The following NDUFA10 variants were observed in gnomAD, a reference collection of about 807,000 sequenced individuals.
NDUFA10 encodes the protein NADH dehydrogenase [ubiquinone] 1 alpha subcomplex subunit 10, mitochondrial.
In NDUFA10, 40 loss-of-function variants were observed where a neutral mutation model predicts 47.8. The observed-to-expected ratio is 0.84, with a 90% confidence interval of 0.65 to 1.09. The LOEUF (loss-of-function observed/expected upper bound fraction) is 1.09. Among genes scored for constraint, NDUFA10 ranks in the 50% least tolerant of loss-of-function variants. The probability of loss-of-function intolerance (pLI) is 0.00; values close to 1 mark genes in which losing one functional copy is unlikely to be tolerated. For synonymous variants in NDUFA10, 183 were observed against 172.2 expected, an observed-to-expected ratio of 1.06 and a Z score of -0.49; for missense variants, 413 against 451.1, an observed-to-expected ratio of 0.92 and a Z score of 0.76.
intron 9 of NDUFA10, among the ~76,000 whole-genome samples, chr2:239,966,733 C>T (rs963030743): frequency 7.2e-5 from 11 of 152,100 alleles, no homozygotes; most frequent in Admixed American, 1.3e-4. Context: ...CCCCACCAAC[C>T]GGAAGGCTAC....
At chr2:239,966,297 C>A (rs1207108055) in intron 9 of NDUFA10, among the ~76,000 whole-genome samples, 1 of 152,202 alleles carries the variant, frequency 6.6e-6, no homozygotes, top group Non-Finnish European at 1.5e-5. Flanking sequence ...ATGACAACTC[C>A]CCCTGGCCCC....
intron 4 of NDUFA10, among the ~76,000 whole-genome samples, chr2:239,951,881 G>A (rs150372955): frequency 6.6e-6 from 1 of 152,258 alleles, no homozygotes; most frequent in Non-Finnish European, 1.5e-5. Flanking sequence ...AGGACAGTGG[G>A]ACCCAGGAAC....
At chr2:239,967,033 T>C (rs956740025) in intron 9 of NDUFA10, among the ~76,000 whole-genome samples, 1 of 152,080 alleles carries the variant, frequency 6.6e-6, no homozygotes, top group South Asian at 2.1e-4. Flanking sequence ...GCTGTGTCTG[T>C]TCCCAGTTTT....
chr2:239,923,806 A>C (rs942178886), intron 4 of NDUFA10, among the ~76,000 whole-genome samples: 1 of 152,144 alleles, frequency 6.6e-6, no homozygotes, highest in African/African-American at 2.4e-5. Flanking sequence ...AATCAAGAAA[A>C]TAAAAACTTG....
At chr2:239,915,694 CACAT>C (rs1165152710) in intron 4 of NDUFA10, among the ~76,000 whole-genome samples, 12 of 151,276 alleles carry the variant, frequency 7.9e-5, no homozygotes, top group East Asian at 3.9e-4. Context: ...ACAGAACACA[CACAT>C]ACATACACAG....
At chr2:239,925,756 G>T (rs1482534941) in intron 4 of NDUFA10, among the ~76,000 whole-genome samples, 1 of 152,198 alleles carries the variant, frequency 6.6e-6, no homozygotes, top group Non-Finnish European at 1.5e-5. Flanking sequence ...CAAGGTGGGA[G>T]ATCACCTGGC....
chr2:239,931,871 T>TGTG, intron 4 of NDUFA10, among the ~76,000 whole-genome samples: 1 of 134,518 alleles, frequency 7.4e-6, no homozygotes. Context: ...AGTCTCGCTC[T>TGTG]GTGGCCCAGG....
chr2:240,022,149 T>C, intron 2 of NDUFA10, 23 bp downstream of exon 2: 1 of 1,593,824 alleles, frequency 6.3e-7, no homozygotes, highest in African/African-American at 1.3e-5. Context: ...AAAGGTATCA[T>C]TCTGTGTAAC....
chr2:239,985,545 T>C (rs1027765434), intron 9 of NDUFA10, among the ~76,000 whole-genome samples: 5 of 149,246 alleles, frequency 3.4e-5, no homozygotes, highest in African/African-American at 1.2e-4. Flanking sequence ...GGTGAAAAGG[T>C]CCAACATATG....
At chr2:239,985,402 T>G (rs1016936063) in intron 9 of NDUFA10, among the ~76,000 whole-genome samples, 1 of 150,828 alleles carries the variant, frequency 6.6e-6, no homozygotes, top group African/African-American at 2.4e-5. Flanking sequence ...AACAACAGAT[T>G]AGAACGAGCT....
At chr2:239,933,960 C>A (rs1193574982) in intron 4 of NDUFA10, among the ~76,000 whole-genome samples, 2 of 152,186 alleles carry the variant, frequency 1.3e-5, no homozygotes, top group East Asian at 3.9e-4. Context: ...TGGGCTCAAG[C>A]AATCCTCCTG....
At chr2:239,939,297 C>T (rs1694320280) in intron 4 of NDUFA10, among the ~76,000 whole-genome samples, 1 of 152,204 alleles carries the variant, frequency 6.6e-6, no homozygotes, top group South Asian at 2.1e-4. Flanking sequence ...CTTATTCAAA[C>T]CAGCCCCAGC....
At chr2:239,914,771 GAC>G (rs145077969) in intron 4 of NDUFA10, among the ~76,000 whole-genome samples, 1 of 37,418 alleles carries the variant, frequency 2.7e-5, no homozygotes, top group Non-Finnish European at 5.1e-5. Flanking sequence ...TACATACACA[GAC>G]ACACAAATAT....
intron 6 of NDUFA10, among the ~76,000 whole-genome samples, chr2:240,008,710 C>T (rs1697034250): frequency 6.6e-6 from 1 of 152,214 alleles, no homozygotes; most frequent in Non-Finnish European, 1.5e-5. Context: ...ACACACATAA[C>T]TGAACAGACA....
chr2:239,960,484 A>G lies in NDUFA10; in HGVS notation c.*634T>C. The stretch of plus-strand genomic sequence containing the variant: ...GAGGACGGCCACGTGAATCTTTCTC[A>G]ACGTCTCTCTTAAAACATATTGTTC... On this transcript the variant is annotated 3_prime_UTR_variant, in exon 10 of 10. Transcript: ENST00000252711. 1.0e-6 allele frequency: 1 copy of G among 990,512 alleles called. No homozygotes were observed. The highest frequency in any genetic ancestry group is 1.2e-6 in the Non-Finnish European group (1 of 832,568). 61.4% of individuals were successfully genotyped at this position (990,512 alleles called of 1,614,324 possible). A position where few individuals can be genotyped will look rare whatever the true frequency, so the allele number is the denominator to read the frequency against.
Position 240,007,303 on chromosome 2 carries a change from AC to A in NDUFA10, c.804+12del, listed in dbSNP as rs1381491133. ...TGTAGGAATAACTTTCAACTTTTCA[AC>A]CATTTTCTTACCTTTTTTGAATCTT... On this transcript the variant is annotated intron_variant, in intron 7 of 9. Transcript: ENST00000252711. The A allele has an allele frequency of 6.4e-7, 1 of 1,571,266 alleles. No individual in the cohort carries two copies. Among genetic ancestry groups the A allele is most frequent in the African/African-American group, 1.3e-5 (1 of 74,150 alleles).
chr2:239,977,550 C>T (rs930382233), intron 9 of NDUFA10, among the ~76,000 whole-genome samples: 5 of 152,280 alleles, frequency 3.3e-5, no homozygotes, highest in East Asian at 3.9e-4. Flanking sequence ...GCTGGACGAC[C>T]GTGCCCCTTA....
intron 9 of NDUFA10, among the ~76,000 whole-genome samples, chr2:239,975,367 C>T (rs910825004): frequency 2.6e-5 from 4 of 152,194 alleles, no homozygotes; most frequent in Non-Finnish European, 5.9e-5. Context: ...TATAGCAATG[C>T]GAGAACAGCC....
At chr2:239,901,430 GA>G (rs1346976289) in intron 4 of NDUFA10, among the ~76,000 whole-genome samples, 5 of 152,106 alleles carry the variant, frequency 3.3e-5, no homozygotes, top group Admixed American at 2.6e-4. Flanking sequence ...CATGATTCAC[GA>G]AGTATTTTAA....
Sources: allele counts gnomAD v4.1 joint callset (sites outside exome capture counted in the v4.1 genomes callset), GRCh38; gene constraint gnomAD v4.1.1; transcripts MANE v1.5; gene names NCBI Gene and HGNC (gene_info 2026-07-23, HGNC 2026-07-21).